Variants in PRKCI observed in about 807,000 individuals in gnomAD.
PRKCI encodes protein kinase C iota.
PRKCI carries 43 observed loss-of-function variants against 84.0 expected under a neutral mutation model. That is an observed-to-expected ratio of 0.51 (90% CI 0.40 to 0.66). The LOEUF (loss-of-function observed/expected upper bound fraction) is 0.66, where lower values mean the gene tolerates loss of function less well. PRKCI is among the 30% of genes least tolerant of loss of function. The probability of loss-of-function intolerance (pLI) is 0.00; values close to 1 mark genes in which losing one functional copy is unlikely to be tolerated. For missense variants in PRKCI, 459 were observed against 745.6 expected (o/e 0.62, Z 4.48); for synonymous variants, 216 against 234.4 (o/e 0.92, Z 0.72).
At chr3:170,261,604 C>T (rs1208857592) in intron 3 of PRKCI, among the ~76,000 whole-genome samples, 1 of 152,088 alleles carries the variant, frequency 6.6e-6, no homozygotes, top group Non-Finnish European at 1.5e-5. Context: ...ATGCCTCAGC[C>T]TCCAAAGTAC....
rs372121670 is a variant in PRKCI at position 170,297,384 on chromosome 3, T to C, written c.1578T>C (p.Asp526=). The C allele has an allele frequency of 2.7e-5, 44 of 1,610,566 alleles. No homozygotes were observed. The highest frequency in any genetic ancestry group is 4.0e-5 in the African/African-American group (3 of 74,852). Residue 526 remains aspartate (D), a synonymous_variant, in exon 16 of 18, where the codon GAT becomes GAC. Coordinates refer to ENST00000295797, the MANE Select transcript of PRKCI (RefSeq NM_002740.6). ...GACACCCGTTCTTCCGAAATGTTGATTGGGATATGGTATGTAAATTTTGAT... is the reference window on the plus strand; with the variant it reads ...GACACCCGTTCTTCCGAAATGTTGACTGGGATATGGTATGTAAATTTTGAT... ...IQGHPFFRNV[D]WDMMEQKQVV...
chr3:170,266,304 A>G (rs1733855335), intron 4 of PRKCI, among the ~76,000 whole-genome samples: 1 of 152,204 alleles, frequency 6.6e-6, no homozygotes, highest in Non-Finnish European at 1.5e-5. Flanking sequence ...ATTAGTTACA[A>G]AGACTGAAAT....
At chr3:170,271,569 TTC>T (rs377059339) in intron 6 of PRKCI, among the ~76,000 whole-genome samples, 23 of 152,304 alleles carry the variant, frequency 1.5e-4, no homozygotes, top group African/African-American at 5.3e-4. Context: ...CTTTCTTCAT[TTC>T]TCTCTCTTCT....
At chr3:170,256,096 G>A (rs1733576277) in intron 2 of PRKCI, among the ~76,000 whole-genome samples, 1 of 152,008 alleles carries the variant, frequency 6.6e-6, no homozygotes, top group South Asian at 2.1e-4. Context: ...GTTTTGTTGA[G>A]GATTTTTGCA....
At chr3:170,242,064 G>T (rs1055523602) in intron 2 of PRKCI, among the ~76,000 whole-genome samples, 1 of 152,164 alleles carries the variant, frequency 6.6e-6, no homozygotes, top group Non-Finnish European at 1.5e-5. Context: ...AGCCGAGATC[G>T]TGCCATTGCA....
intron 1 of PRKCI, among the ~76,000 whole-genome samples, chr3:170,233,059 C>G (rs1248067549): frequency 1.3e-5 from 2 of 151,710 alleles, no homozygotes; most frequent in East Asian, 3.9e-4. Context: ...TATGAATACT[C>G]TAGTCCCCCA....
In PRKCI at chr3:170,280,925, C is replaced by CTT. The variant is rs569750488; in HGVS notation, c.883-241_883-240insTT. Among the ~76,000 whole-genome samples the CTT allele has an allele frequency of 1.5e-3, 235 of 151,732 alleles. 2 individuals are homozygous for CTT. Among genetic ancestry groups the CTT allele is most frequent in the African/African-American group, 5.5e-3 (228 of 41,326 alleles). On this transcript the variant is annotated intron_variant, in intron 9 of 17. Coordinates refer to ENST00000295797, the MANE Select transcript of PRKCI (RefSeq NM_002740.6). Reference sequence around the variant, plus strand: ...TTTTTTAAAAAAACAAAAATCAAACCACATTATTATCAGGAGAAATACTTG... The same window carrying CTT: ...TTTTTTAAAAAAACAAAAATCAAACCTTACATTATTATCAGGAGAAATACTTG...
chr3:170,249,014 A>C (rs1405088525), intron 2 of PRKCI, among the ~76,000 whole-genome samples: 1 of 151,684 alleles, frequency 6.6e-6, no homozygotes, highest in African/African-American at 2.4e-5. Context: ...CGCTTGGCTA[A>C]TTTTTTTGTA....
intron 12 of PRKCI, among the ~76,000 whole-genome samples, chr3:170,290,074 A>G (rs963409645): frequency 6.8e-6 from 1 of 147,240 alleles, no homozygotes; most frequent in African/African-American, 2.5e-5. Context: ...CTCGGTCTCA[A>G]AAAAAAAAAA....
At chr3:170,272,120 C>T (rs575353295) in intron 6 of PRKCI, among the ~76,000 whole-genome samples, 10 of 152,310 alleles carry the variant, frequency 6.6e-5, no homozygotes, top group Admixed American at 5.2e-4. Flanking sequence ...CAGGCGTGAG[C>T]CACTGCACTT....
At chr3:170,293,597 A>G in intron 14 of PRKCI, 89 bp downstream of exon 14, 1 of 1,358,800 alleles carries the variant, frequency 7.4e-7, no homozygotes, top group Non-Finnish European at 1.0e-6. Context: ...TTTGAGTAAG[A>G]AAAATGAGCA....
At chr3:170,297,521 C>A in intron 16 of PRKCI, 128 bp downstream of exon 16, 1 of 707,346 alleles carries the variant, frequency 1.4e-6, no homozygotes, top group Non-Finnish European at 2.4e-6. Context: ...ATGGCACGAT[C>A]TCAGCTCACT....
At chr3:170,257,662 A>ATT (rs11362547) in intron 2 of PRKCI, among the ~76,000 whole-genome samples, 4 of 121,790 alleles carry the variant, frequency 3.3e-5, no homozygotes, top group African/African-American at 6.1e-5. Flanking sequence ...GGGAAAGAGA[A>ATT]TTTTTTTTTT....
intron 14 of PRKCI, among the ~76,000 whole-genome samples, chr3:170,294,319 A>AT (rs1734642902): frequency 6.6e-6 from 1 of 152,230 alleles, no homozygotes; most frequent in Non-Finnish European, 1.5e-5. Context: ...ACAGAATCCA[A>AT]AGAAGTATGA....
intron 5 of PRKCI, 63 bp downstream of exon 5, chr3:170,268,063 A>AGT: frequency 7.6e-7 from 1 of 1,319,592 alleles, no homozygotes; most frequent in Non-Finnish European, 1.1e-6. Context: ...TCTACTATGA[A>AGT]AGAAAGGTAG....
intron 4 of PRKCI, 57 bp from the exon 5 acceptor site, chr3:170,267,858 A>G: frequency 3.0e-6 from 4 of 1,315,754 alleles, no homozygotes; most frequent in Non-Finnish European, 3.1e-6. Context: ...TAATTATAAA[A>G]TGATTTTTAC....
chr3:170,224,289 A>G (rs564150055), intron 1 of PRKCI, among the ~76,000 whole-genome samples: 68 of 152,190 alleles, frequency 4.5e-4, no homozygotes, highest in African/African-American at 1.5e-3. Context: ...GGACAGTATG[A>G]TAACTTTGTG....
chr3:170,261,498 A>G (rs1453952093), intron 3 of PRKCI, among the ~76,000 whole-genome samples: 2 of 135,114 alleles, frequency 1.5e-5, no homozygotes, highest in Non-Finnish European at 3.2e-5. Flanking sequence ...TTTATATTTT[A>G]TTTGAGACAC....
chr3:170,283,102 C>T (rs563639347), intron 11 of PRKCI, among the ~76,000 whole-genome samples: 1 of 144,262 alleles, frequency 6.9e-6, no homozygotes, highest in African/African-American at 2.7e-5. Context: ...GAGACTCCGT[C>T]TCAAAAAAAA....
Sources: allele counts gnomAD v4.1 joint callset (sites outside exome capture counted in the v4.1 genomes callset), GRCh38; gene constraint gnomAD v4.1.1; transcripts MANE v1.5; gene names NCBI Gene and HGNC (gene_info 2026-07-23, HGNC 2026-07-21).